The following C12orf42 variants were observed in gnomAD, a reference collection of about 807,000 sequenced individuals.
The protein encoded by C12orf42 is chromosome 12 open reading frame 42.
C12orf42 carries 25 observed loss-of-function variants against 21.6 expected under a neutral mutation model. The observed-to-expected ratio is 1.16, with a 90% CI of 0.84 to 1.62. The LOEUF is 1.62. C12orf42 is among the 40% of genes most tolerant of loss of function. C12orf42 has a pLI of 0.00. For missense variants in C12orf42, 483 were observed against 459.3 expected (o/e 1.05, Z -0.47); for synonymous variants, 174 against 175.0 (o/e 0.99, Z 0.05).
the C12orf42 span, among the ~76,000 whole-genome samples, chr12:103,561,850 A>G: frequency 6.6e-6 from 1 of 152,122 alleles, no homozygotes; most frequent in African/African-American, 2.4e-5. Context: ...GACTTTTCAA[A>G]TGTTTTGATC....
chr12:103,498,489 G>A (rs1227503371), upstream of C12orf42, among the ~76,000 whole-genome samples: 1 of 152,160 alleles, frequency 6.6e-6, no homozygotes, highest in Non-Finnish European at 1.5e-5. Context: ...AGACAAAAAA[G>A]GAAGAAAATC....
chr12:103,502,747 G>T, the C12orf42 span, among the ~76,000 whole-genome samples: 3 of 152,136 alleles, frequency 2.0e-5, no homozygotes, highest in East Asian at 5.8e-4. Flanking sequence ...TCCTGGTAGT[G>T]GGGCCTGCCA....
At chr12:103,149,265 G>C in the C12orf42 span, among the ~76,000 whole-genome samples, 1,076 of 152,198 alleles carry the variant, frequency 7.1e-3, 19 homozygotes, top group African/African-American at 0.024. Flanking sequence ...ATAAAATGTG[G>C]TGATTCTTAA....
the C12orf42 span, among the ~76,000 whole-genome samples, chr12:103,054,504 TGTAGACAATC>T: frequency 6.6e-6 from 1 of 151,892 alleles, no homozygotes; most frequent in South Asian, 2.1e-4. Flanking sequence ...AAATTTTCCA[TGTAGACAATC>T]ATGTCACCTG....
chr12:103,308,583 G>A (rs2038613137), intron 4 of C12orf42, among the ~76,000 whole-genome samples: 1 of 152,200 alleles, frequency 6.6e-6, no homozygotes, highest in Non-Finnish European at 1.5e-5. Context: ...GGAAGGATAA[G>A]TGTTTAGAGC....
At chr12:103,295,770 C>T (rs942527960) in intron 4 of C12orf42, among the ~76,000 whole-genome samples, 2 of 151,856 alleles carry the variant, frequency 1.3e-5, no homozygotes, top group South Asian at 2.1e-4. Flanking sequence ...ATTTGGATAC[C>T]ACTCTTACTT....
At chr12:103,334,403 A>C (rs2041507941) in intron 4 of C12orf42, among the ~76,000 whole-genome samples, 2 of 152,270 alleles carry the variant, frequency 1.3e-5, no homozygotes, top group South Asian at 4.2e-4. Flanking sequence ...GACAATGAGT[A>C]AGTGTCATTG....
chr12:103,222,666 C>T, the C12orf42 span, among the ~76,000 whole-genome samples: 1 of 152,046 alleles, frequency 6.6e-6, no homozygotes, highest in Non-Finnish European at 1.5e-5. Flanking sequence ...AGGCTTCTGT[C>T]CTGGTATATC....
intron 2 of C12orf42, among the ~76,000 whole-genome samples, chr12:103,469,699 A>T (rs926502097): frequency 6.6e-6 from 1 of 152,236 alleles, no homozygotes; most frequent in Admixed American, 6.5e-5. Flanking sequence ...GGATAAGTGG[A>T]ATCAACGGGC....
At chr12:103,375,911 G>A (rs1189137594) in intron 3 of C12orf42, among the ~76,000 whole-genome samples, 1 of 152,160 alleles carries the variant, frequency 6.6e-6, no homozygotes, top group East Asian at 1.9e-4. Flanking sequence ...ACATTTGGAG[G>A]TGGCCCTTCT....
chr12:103,359,068 T>C (rs2043844113), intron 4 of C12orf42, among the ~76,000 whole-genome samples: 1 of 152,108 alleles, frequency 6.6e-6, no homozygotes, highest in Admixed American at 6.6e-5. Context: ...TTTAGACACA[T>C]AAATACACAT....
At chr12:103,388,127 C>T (rs577832820) in intron 3 of C12orf42, among the ~76,000 whole-genome samples, 3 of 152,334 alleles carry the variant, frequency 2.0e-5, no homozygotes, top group African/African-American at 4.8e-5. Context: ...GCCCCTCCAG[C>T]GTGGAGCTTT....
At chr12:103,114,978 G>T in the C12orf42 span, among the ~76,000 whole-genome samples, 2 of 152,176 alleles carry the variant, frequency 1.3e-5, no homozygotes, top group Admixed American at 6.5e-5. Context: ...GCATAATTGT[G>T]TCTCAATGTA....
intron 1 of C12orf42, among the ~76,000 whole-genome samples, chr12:103,491,611 T>C (rs1197119052): frequency 1.3e-5 from 2 of 152,260 alleles, no homozygotes; most frequent in South Asian, 4.1e-4. Flanking sequence ...CTTGAGCTCC[T>C]TGTTTCTACA....
the C12orf42 span, among the ~76,000 whole-genome samples, chr12:103,071,089 T>C: frequency 6.6e-6 from 1 of 152,096 alleles, no homozygotes; most frequent in East Asian, 1.9e-4. Context: ...ATGAAAGAAA[T>C]AGCTCCATGG....
chr12:103,208,414 A>C, the C12orf42 span, among the ~76,000 whole-genome samples: 1 of 152,198 alleles, frequency 6.6e-6, no homozygotes, highest in African/African-American at 2.4e-5. Context: ...TGTACCGTGA[A>C]ATGGTAATCT....
At chr12:103,282,732 A>G (rs2036214077) in intron 4 of C12orf42, among the ~76,000 whole-genome samples, 2 of 152,262 alleles carry the variant, frequency 1.3e-5, no homozygotes, top group Non-Finnish European at 1.5e-5. Context: ...TACGTAAAGC[A>G]GAAGGTCAGC....
the C12orf42 span, among the ~76,000 whole-genome samples, chr12:103,111,134 A>G: frequency 1.3e-5 from 2 of 152,110 alleles, no homozygotes; most frequent in African/African-American, 4.8e-5. Flanking sequence ...CTTAGCTTTT[A>G]TTTGTGATTT....
At chr12:103,058,788 C>T in the C12orf42 span, among the ~76,000 whole-genome samples, 2 of 152,036 alleles carry the variant, frequency 1.3e-5, no homozygotes, top group South Asian at 4.1e-4. Flanking sequence ...CCAAAGAGAA[C>T]AAAAAGACAA....
Sources: allele counts gnomAD v4.1 joint callset (sites outside exome capture counted in the v4.1 genomes callset), GRCh38; gene constraint gnomAD v4.1.1; transcripts MANE v1.5; gene names NCBI Gene and HGNC (gene_info 2026-07-23, HGNC 2026-07-21).